ZMAT4: variants seen among roughly 807,000 people sequenced by gnomAD.
ZMAT4 encodes the protein zinc finger matrin-type protein 4.
In ZMAT4, 17 loss-of-function variants were observed where a neutral mutation model predicts 28.7. The observed-to-expected ratio is 0.59, with a 90% CI of 0.41 to 0.89. The LOEUF is 0.89. Among genes scored for constraint, ZMAT4 ranks in the 40% least tolerant of loss-of-function variants. ZMAT4 has a pLI of 0.00. For synonymous variants in ZMAT4, 117 were observed against 109.2 expected, an observed-to-expected ratio of 1.07 and a Z score of -0.44; for missense variants, 240 against 283.8, an observed-to-expected ratio of 0.85 and a Z score of 1.11.
At chr8:40,751,797 T>C (rs1169243949) in intron 3 of ZMAT4, among the ~76,000 whole-genome samples, 2 of 152,134 alleles carry the variant, frequency 1.3e-5, no homozygotes, top group Non-Finnish European at 2.9e-5. Context: ...AGACTTTCTA[T>C]ACAAATGACA....
At chr8:40,758,317 G>A (rs1000133628) in intron 3 of ZMAT4, among the ~76,000 whole-genome samples, 79 of 152,252 alleles carry the variant, frequency 5.2e-4, no homozygotes, top group African/African-American at 1.9e-3. Flanking sequence ...TCCCTCCACA[G>A]TCACCACTCC....
At chr8:40,726,363 C>A (rs1404660562) in intron 3 of ZMAT4, among the ~76,000 whole-genome samples, 1 of 152,130 alleles carries the variant, frequency 6.6e-6, no homozygotes, top group African/African-American at 2.4e-5. Context: ...GGAGTGTAGC[C>A]AAACATTGGT....
chr8:40,692,615 G>C (rs1342403053), intron 4 of ZMAT4, among the ~76,000 whole-genome samples: 2 of 152,098 alleles, frequency 1.3e-5, no homozygotes, highest in African/African-American at 4.8e-5. Context: ...AAGCAAATGG[G>C]TGTCTGATAA....
At chr8:40,603,574 C>T (rs1420458171) in intron 5 of ZMAT4, among the ~76,000 whole-genome samples, 3 of 152,100 alleles carry the variant, frequency 2.0e-5, no homozygotes, top group Non-Finnish European at 2.9e-5. Context: ...ATAGGTGTTT[C>T]CATTTGTTTG....
intron 3 of ZMAT4, among the ~76,000 whole-genome samples, chr8:40,714,932 C>T (rs1026295552): frequency 2.7e-5 from 4 of 149,590 alleles, no homozygotes; most frequent in Admixed American, 2.0e-4. Flanking sequence ...ACCTGCAATC[C>T]CAGCTACTTG....
intron 5 of ZMAT4, among the ~76,000 whole-genome samples, chr8:40,601,411 AG>A (rs1805302873): frequency 2.6e-5 from 2 of 77,942 alleles, no homozygotes; most frequent in South Asian, 5.1e-4. Context: ...AAAGAAAGGA[AG>A]GAAGGAAGGA....
chr8:40,703,108 G>C (rs1810215066), intron 3 of ZMAT4, among the ~76,000 whole-genome samples: 3 of 152,108 alleles, frequency 2.0e-5, no homozygotes, highest in Admixed American at 2.0e-4. Flanking sequence ...TGTGACCAGA[G>C]GTCTCCCAGA....
At chr8:40,553,624 C>T (rs1474932955) in intron 6 of ZMAT4, among the ~76,000 whole-genome samples, 1 of 152,192 alleles carries the variant, frequency 6.6e-6, no homozygotes, top group South Asian at 2.1e-4. Context: ...TTCATCCTTA[C>T]AATAATTCCA....
At chr8:40,671,549 C>A (rs2122945) in intron 5 of ZMAT4, among the ~76,000 whole-genome samples, 150,798 of 152,322 alleles carry the variant, frequency 0.99, 74,662 homozygotes, top group Middle Eastern at 1. Flanking sequence ...GTGTGATCCA[C>A]AATAAGCCAG....
chr8:40,632,199 T>C (rs1806614040), intron 5 of ZMAT4, among the ~76,000 whole-genome samples: 1 of 152,202 alleles, frequency 6.6e-6, no homozygotes, highest in Non-Finnish European at 1.5e-5. Flanking sequence ...TTACACAGCT[T>C]GTTTTTAGAT....
intron 5 of ZMAT4, among the ~76,000 whole-genome samples, chr8:40,618,663 A>G (rs921467825): frequency 5.3e-5 from 8 of 151,586 alleles, no homozygotes; most frequent in Non-Finnish European, 1.0e-4. Context: ...CCACTAGAAA[A>G]AAAAAAAAAA....
intron 4 of ZMAT4, among the ~76,000 whole-genome samples, chr8:40,691,886 G>A (rs1809681328): frequency 6.6e-6 from 1 of 151,802 alleles, no homozygotes; most frequent in Non-Finnish European, 1.5e-5. Context: ...TCTGTTTGTG[G>A]CCTCTGGTAT....
At chr8:40,688,522 C>A (rs2150486139) in intron 4 of ZMAT4, among the ~76,000 whole-genome samples, 1 of 152,100 alleles carries the variant, frequency 6.6e-6, no homozygotes, top group East Asian at 1.9e-4. Context: ...TTTAATCTCC[C>A]ATTTGCAATT....
intron 1 of ZMAT4, among the ~76,000 whole-genome samples, chr8:40,841,839 T>A (rs1210296875): frequency 6.6e-6 from 1 of 152,226 alleles, no homozygotes; most frequent in Non-Finnish European, 1.5e-5. Context: ...TTTTGGGTCT[T>A]ACCCTGAACA....
At chr8:40,832,665 C>T (rs12678683) in intron 1 of ZMAT4, among the ~76,000 whole-genome samples, 17 of 152,262 alleles carry the variant, frequency 1.1e-4, no homozygotes, top group African/African-American at 3.9e-4. Flanking sequence ...TTTTGACAAA[C>T]TCCACAGCCG....
At chr8:40,872,121 T>C (rs1390266531) in intron 1 of ZMAT4, among the ~76,000 whole-genome samples, 2 of 152,088 alleles carry the variant, frequency 1.3e-5, no homozygotes, top group Non-Finnish European at 2.9e-5. Context: ...ACCTCTGAGG[T>C]TGCACTGACT....
intron 6 of ZMAT4, among the ~76,000 whole-genome samples, chr8:40,533,210 G>A (rs941588813): frequency 6.6e-6 from 1 of 152,020 alleles, no homozygotes; most frequent in African/African-American, 2.4e-5. Context: ...CCTTTTAAAG[G>A]TGAGAACACT....
In ZMAT4 at chr8:40,754,478, C is replaced by G. The variant is rs372976144; in HGVS notation, c.192+13163G>C. Among the ~76,000 whole-genome samples the G allele has an allele frequency of 2.8e-4, 42 of 152,178 alleles. 1 individual carries two copies. The South Asian group carries it at 8.3e-3, about 30-fold the overall frequency. On this transcript the variant is annotated intron_variant, in intron 3 of 6. Coordinates refer to ENST00000297737, the MANE Select transcript of ZMAT4 (RefSeq NM_024645.3). ...CCAAGCTAGAGAATTGGTCTCAGGCCGAGAAAATCATGTGTAGCTGAAGCA... is the reference window on the plus strand; with the variant it reads ...CCAAGCTAGAGAATTGGTCTCAGGCGGAGAAAATCATGTGTAGCTGAAGCA...
chr8:40,683,014 A>T (rs1382024193), intron 4 of ZMAT4, among the ~76,000 whole-genome samples: 1 of 152,180 alleles, frequency 6.6e-6, no homozygotes, highest in Non-Finnish European at 1.5e-5. Context: ...CCTTGAAATC[A>T]AGAGGCCAGA....
Sources: gnomAD v4.1 joint callset for allele counts (sites outside exome capture counted in the v4.1 genomes callset) on GRCh38, gnomAD v4.1.1 for gene constraint, MANE v1.5 for transcripts, NCBI Gene and HGNC (gene_info 2026-07-23, HGNC 2026-07-21) for gene names.